CRADD: variants seen among roughly 807,000 people sequenced by gnomAD.
CRADD encodes CARD and death domain containing adaptor protein, also known as death domain-containing protein CRADD.
In CRADD, 9 loss-of-function variants were observed where a neutral mutation model predicts 15.5. That is an observed-to-expected ratio of 0.58 (90% CI 0.35 to 1.01). CRADD has a LOEUF of 1.01. Ranked by LOEUF, CRADD falls within the 50% of genes least tolerant of loss-of-function variation. The pLI is 0.02. For synonymous variants in CRADD, 118 were observed against 107.6 expected (o/e 1.10, Z -0.60); for missense variants, 227 against 250.3 (o/e 0.91, Z 0.63).
At chr12:93,867,404 T>TATA (rs1491540248) in intron 2 of CRADD, among the ~76,000 whole-genome samples, 7 of 127,278 alleles carry the variant, frequency 5.5e-5, no homozygotes, top group African/African-American at 8.1e-5. Flanking sequence ...TATATATATA[T>TATA]TTTTTAAACT....
intron 2 of CRADD, among the ~76,000 whole-genome samples, chr12:93,711,085 C>T (rs1421661624): frequency 2.3e-4 from 20 of 86,192 alleles, no homozygotes; most frequent in Non-Finnish European, 4.3e-4. Flanking sequence ...GCTTTACTTG[C>T]CATTCATATT....
At chr12:93,750,999 A>G (rs1482561682) in intron 2 of CRADD, among the ~76,000 whole-genome samples, 4 of 152,206 alleles carry the variant, frequency 2.6e-5, no homozygotes, top group Admixed American at 1.3e-4. Flanking sequence ...GCCTCAGGGA[A>G]TGCTCTCACT....
At chr12:93,887,498 G>A (rs1958546458) in intron 2 of CRADD, among the ~76,000 whole-genome samples, 1 of 152,244 alleles carries the variant, frequency 6.6e-6, no homozygotes, top group African/African-American at 2.4e-5. Context: ...GAAGGAGACT[G>A]TGTTTCACAA....
intron 2 of CRADD, among the ~76,000 whole-genome samples, chr12:93,875,994 G>T (rs1049183943): frequency 2.0e-5 from 3 of 152,044 alleles, no homozygotes; most frequent in Non-Finnish European, 4.4e-5. Flanking sequence ...GACAGGTCTG[G>T]TGTTGATGAA....
intron 2 of CRADD, among the ~76,000 whole-genome samples, chr12:93,704,575 G>T (rs1955904552): frequency 1.3e-5 from 2 of 152,182 alleles, no homozygotes; most frequent in African/African-American, 4.8e-5. Flanking sequence ...TACTGCAGTA[G>T]CCTCCACATG....
At chr12:93,712,723 G>T (rs765808666) in intron 2 of CRADD, among the ~76,000 whole-genome samples, 1 of 152,150 alleles carries the variant, frequency 6.6e-6, no homozygotes, top group Non-Finnish European at 1.5e-5. Flanking sequence ...TCTGATTTTC[G>T]AGAGTGAGGA....
chr12:93,809,752 A>G (rs1957598380), intron 2 of CRADD, among the ~76,000 whole-genome samples: 1 of 152,194 alleles, frequency 6.6e-6, no homozygotes, highest in Admixed American at 6.5e-5. Context: ...TTTACACATT[A>G]TTCTTGTTTC....
chr12:93,816,996 A>C (rs1051977675), intron 2 of CRADD, among the ~76,000 whole-genome samples: 15 of 152,264 alleles, frequency 9.9e-5, no homozygotes, highest in African/African-American at 3.6e-4. Context: ...GCCAGGAATT[A>C]GAGGGCTTAG....
At chr12:93,727,340 A>C (rs916087486) in intron 2 of CRADD, among the ~76,000 whole-genome samples, 47 of 152,180 alleles carry the variant, frequency 3.1e-4, no homozygotes, top group Non-Finnish European at 3.5e-4. Flanking sequence ...AGATGACTCC[A>C]CAGTTAATAT....
intron 2 of CRADD, among the ~76,000 whole-genome samples, chr12:93,729,758 C>G (rs1956431588): frequency 1.4e-5 from 2 of 147,558 alleles, no homozygotes; most frequent in Admixed American, 1.4e-4. Context: ...GCACTTCAGC[C>G]TGGGCAACAA....
At chr12:93,841,349 G>T (rs887743639) in intron 2 of CRADD, among the ~76,000 whole-genome samples, 1 of 152,112 alleles carries the variant, frequency 6.6e-6, no homozygotes, top group Non-Finnish European at 1.5e-5. Context: ...AAATCAGCTA[G>T]ATAGCTTTTG....
At chr12:93,688,065 G>T (rs930219855) in intron 2 of CRADD, among the ~76,000 whole-genome samples, 1 of 152,224 alleles carries the variant, frequency 6.6e-6, no homozygotes, top group African/African-American at 2.4e-5. Flanking sequence ...CGAGTTGGAT[G>T]CTCCTCTCAG....
intron 2 of CRADD, among the ~76,000 whole-genome samples, chr12:93,757,504 A>G (rs1956904776): frequency 6.6e-6 from 1 of 152,212 alleles, no homozygotes; most frequent in African/African-American, 2.4e-5. Flanking sequence ...CATCTCTCCC[A>G]TCTCTAGTTC....
rs77264297 is a variant in CRADD, at chr12:93,762,975, T to C, written c.298+83903T>C. ...CCTAAGATATTTGCCTTCTCATTGA[T>C]TGGAGTATTGGTGGCTAAAACGTAA... On this transcript the variant is annotated intron_variant, in intron 2 of 2. Coordinates refer to ENST00000332896, the MANE Select transcript of CRADD (RefSeq NM_003805.5). Among the ~76,000 whole-genome samples the C allele has an allele frequency of 1.7e-4, 26 of 152,328 alleles. No homozygotes were observed. In the East Asian group the frequency reaches 5.0e-3, roughly 29 times the overall value.
intron 2 of CRADD, among the ~76,000 whole-genome samples, chr12:93,866,534 C>T (rs1158268210): frequency 6.6e-6 from 1 of 152,136 alleles, no homozygotes; most frequent in East Asian, 1.9e-4. Flanking sequence ...TCTGTTTTCT[C>T]TAAGTTACTT....
chr12:93,686,610 G>A (rs1183489722), intron 2 of CRADD, among the ~76,000 whole-genome samples: 1 of 152,218 alleles, frequency 6.6e-6, no homozygotes, highest in Admixed American at 6.5e-5. Flanking sequence ...TTACTTGCTA[G>A]TGAAACAAAG....
At chr12:93,758,425 T>C (rs143505745) in intron 2 of CRADD, among the ~76,000 whole-genome samples, 2 of 152,276 alleles carry the variant, frequency 1.3e-5, no homozygotes, top group East Asian at 1.9e-4. Context: ...TCTGATGGTA[T>C]ACTAAGAAAT....
intron 2 of CRADD, among the ~76,000 whole-genome samples, chr12:93,857,777 A>G (rs2137056753): frequency 6.6e-6 from 1 of 152,300 alleles, no homozygotes; most frequent in East Asian, 1.9e-4. Context: ...TAGACAAGTG[A>G]TGTATGACAG....
At chr12:93,717,784 G>T (rs1436065124) in intron 2 of CRADD, among the ~76,000 whole-genome samples, 2 of 152,318 alleles carry the variant, frequency 1.3e-5, no homozygotes, top group South Asian at 2.1e-4. Context: ...GGCTCCCCAA[G>T]TGTTAGGATT....
Sources: allele counts gnomAD v4.1 joint callset (sites outside exome capture counted in the v4.1 genomes callset), GRCh38; gene constraint gnomAD v4.1.1; transcripts MANE v1.5; gene names NCBI Gene and HGNC (gene_info 2026-07-23, HGNC 2026-07-21).